TUBA4A: variants seen among roughly 807,000 people sequenced by gnomAD.
TUBA4A encodes tubulin alpha 4a.
Under a neutral mutation model 34.3 loss-of-function variants are expected in TUBA4A, and 23 were observed. That is an observed-to-expected ratio of 0.67 (90% CI 0.48 to 0.95). The LOEUF is 0.95. TUBA4A is among the 40% of genes least tolerant of loss of function. The pLI is 0.00. For missense variants in TUBA4A, 279 were observed against 599.0 expected (o/e 0.47, Z 5.58); for synonymous variants, 216 against 230.5 (o/e 0.94, Z 0.57).
At position 219,251,611 on chromosome 2, in the gene TUBA4A, A is replaced by G. The variant is rs201172087; in HGVS notation, c.329T>C (p.Ile110Thr). 6.2e-7 allele frequency: 1 copy of G among 1,614,126 alleles called. No individual in the cohort carries two copies. Among genetic ancestry groups the G allele is most frequent in the Non-Finnish European group, 8.5e-7 (1 of 1,179,998 alleles). ...ANNYARGHYTIGKEIIDPVLD... is the reference protein window; with the variant it reads ...ANNYARGHYTTGKEIIDPVLD... Reference sequence around the variant, plus strand: ...CACTGGGTCAATGATCTCCTTGCCAATGGTATAGTGACCACGGGCATAGTT... The same window carrying G: ...CACTGGGTCAATGATCTCCTTGCCAGTGGTATAGTGACCACGGGCATAGTT... Residue 110 changes from isoleucine to threonine, a missense_variant, in exon 3 of 4, where the codon ATT becomes ACT. Physicochemically the swap from Ile to Thr is moderately conservative, Grantham distance 89. This residue lies in a region of TUBA4A where 98 missense variants were observed against 171.1 expected (regional missense o/e 0.57). Coordinates refer to ENST00000248437, the MANE Select transcript of TUBA4A (RefSeq NM_006000.3). The surrounding 1 kb of genome is among the most constrained non-coding windows in gnomAD (Gnocchi z 6.1).
Position 219,250,838 on chromosome 2 carries a change from C to G in TUBA4A, c.861G>C (p.Ser287=). ...SAEKAYHEQL[S]VAEITNACFE... is the part of the protein sequence containing the mutation. ...AGCAGGCATTGGTGATCTCTGCCAC[C>G]GACAGCTGCTCGTGGTATGCCTTTT... The change falls in exon 4 of 4, where the codon TCG becomes TCC. Residue 287 remains serine (S), a synonymous_variant. Coordinates refer to ENST00000248437, the MANE Select transcript of TUBA4A (RefSeq NM_006000.3). The surrounding 1 kb of genome is among the most constrained non-coding windows in gnomAD (Gnocchi z 8.4). 6.2e-7 allele frequency: 1 copy of G among 1,614,134 alleles called. No homozygotes were observed.
At position 219,252,598 on chromosome 2, in the gene TUBA4A, A is replaced by G. The variant is rs530284179; in HGVS notation, c.4-368T>C. ...AGTATGAACAGCTAGAATTCATAGAACCCTTTCCCTCTTTCTTTCCTGTAA... is the reference window on the plus strand; with the variant it reads ...AGTATGAACAGCTAGAATTCATAGAGCCCTTTCCCTCTTTCTTTCCTGTAA... On this transcript the variant is annotated intron_variant, in intron 1 of 3. Coordinates refer to ENST00000248437, the MANE Select transcript of TUBA4A (RefSeq NM_006000.3). This position sits in a 1 kb window ranked among gnomAD's most constrained non-coding sequence, Gnocchi z 4.1. Among the ~76,000 whole-genome samples, 1 of 150,480 alleles carries G rather than the reference A, an allele frequency of 6.6e-6. No individual in the cohort carries two copies. Among genetic ancestry groups the G allele is most frequent in the South Asian group, 2.1e-4 (1 of 4,688 alleles).
chr2:219,253,756 G>A, intron 1 of TUBA4A, 100 bp downstream of exon 1: 1 of 1,422,524 alleles, frequency 7.0e-7, no homozygotes, highest in Non-Finnish European at 9.6e-7. Context: ...TGGAGACCCG[G>A]AACGCCCGGT....
In TUBA4A at chr2:219,250,481, G is replaced by A; in HGVS notation, c.1218C>T (p.His406=). 6.2e-7 allele frequency: 1 copy of A among 1,614,148 alleles called. No homozygotes were observed. The highest frequency in any genetic ancestry group is 1.1e-5 in the South Asian group (1 of 91,088). The change falls in exon 4 of 4, where the codon CAC becomes CAT. Residue 406 remains histidine, a synonymous_variant. Transcript: ENST00000248437. This position sits in a 1 kb window ranked among gnomAD's most constrained non-coding sequence, Gnocchi z 8.4. ...DLMYAKRAFV[H]WYVGEGMEEG... Reference sequence around the variant, plus strand: ...CCTCCATGCCCTCACCCACATACCAGTGCACAAACGCCCTCTTGGCATACA... The same window carrying A: ...CCTCCATGCCCTCACCCACATACCAATGCACAAACGCCCTCTTGGCATACA...
Position 219,251,506 on chromosome 2 carries a change from A to G in TUBA4A, c.375+59T>C, listed in dbSNP as rs1951646630. ...ACCTCCTGAAAGGATCTGAAAAAAA[A>G]TATTCCTGACCATTAGCACAGTCTC... On this transcript the variant is annotated intron_variant, in intron 3 of 3. Transcript: ENST00000248437. This position sits in a 1 kb window ranked among gnomAD's most constrained non-coding sequence, Gnocchi z 6.1. The G allele has an allele frequency of 6.3e-7, 1 of 1,576,942 alleles. No homozygotes were observed. The highest frequency in any genetic ancestry group is 1.4e-5 in the African/African-American group (1 of 73,944).
Position 219,252,949 on chromosome 2 carries a change from G to T in TUBA4A, c.4-719C>A, listed in dbSNP as rs753206961. 2 of 493,606 alleles carry T rather than the reference G, an allele frequency of 4.1e-6. No individual in the cohort carries two copies. The highest frequency in any genetic ancestry group is 8.2e-6 in the Non-Finnish European group (2 of 245,104). The allele number at this position is 493,606 out of a possible 1,614,324, so 30.6% of individuals were successfully genotyped here. A position where few individuals can be genotyped will look rare whatever the true frequency, so the allele number is the denominator to read the frequency against. Reference sequence around the variant, plus strand: ...AAAGCACTAAAGTCCGGCAGGGCCCGCGCGCTCTTCCCACACCGAAATGGC... The same window carrying T: ...AAAGCACTAAAGTCCGGCAGGGCCCTCGCGCTCTTCCCACACCGAAATGGC... On this transcript the variant is annotated intron_variant, in intron 1 of 3. Transcript: ENST00000248437. This position sits in a 1 kb window ranked among gnomAD's most constrained non-coding sequence, Gnocchi z 4.1.
At chr2:219,253,810 A>C in intron 1 of TUBA4A, 46 bp downstream of exon 1, 1 of 1,529,444 alleles carries the variant, frequency 6.5e-7, no homozygotes, top group Non-Finnish European at 8.8e-7. Context: ...CCCAAAGGAG[A>C]GGGGCAATTA....
chr2:219,250,297 T>C lies in TUBA4A; in HGVS notation c.*55A>G. On this transcript the variant is annotated 3_prime_UTR_variant, in exon 4 of 4. Coordinates refer to ENST00000248437, the MANE Select transcript of TUBA4A (RefSeq NM_006000.3). This position sits in a 1 kb window ranked among gnomAD's most constrained non-coding sequence, Gnocchi z 8.4. ...AACAAGAAACCGTGCAAGGAAACTG[T>C]TTATTTCGAAAGGATTTTGCAATAA... is the stretch of plus-strand genomic sequence containing the variant. The C allele has an allele frequency of 6.5e-7, 1 of 1,549,410 alleles. No individual in the cohort carries two copies. The highest frequency in any genetic ancestry group is 8.7e-7 in the Non-Finnish European group (1 of 1,147,588).
upstream of TUBA4A, chr2:219,254,267 G>C (rs1370893000): frequency 5.8e-6 from 1 of 173,306 alleles, no homozygotes; most frequent in East Asian, 1.5e-4. Flanking sequence ...TTCTGACTTA[G>C]GTCGGGAGCA....
rs2125069868 is a variant in TUBA4A at position 219,251,509 on chromosome 2, T to C, written c.375+56A>G. ...TCCTGAAAGGATCTGAAAAAAAATA[T>C]TCCTGACCATTAGCACAGTCTCAAA... On this transcript the variant is annotated intron_variant, in intron 3 of 3. Transcript: ENST00000248437. This position sits in a 1 kb window ranked among gnomAD's most constrained non-coding sequence, Gnocchi z 6.1. 6.3e-7 allele frequency: 1 copy of C among 1,580,610 alleles called. No individual in the cohort carries two copies. Among genetic ancestry groups the C allele is most frequent in the Non-Finnish European group, 8.6e-7 (1 of 1,159,692 alleles).
chr2:219,253,612 G>C (rs45547434), intron 1 of TUBA4A, among the ~76,000 whole-genome samples: 13 of 152,316 alleles, frequency 8.5e-5, no homozygotes, highest in Middle Eastern at 3.4e-3. Context: ...GTGCCAGGAA[G>C]GGTTCCTCTC....
chr2:219,253,794 G>A, intron 1 of TUBA4A, 62 bp downstream of exon 1: 3 of 1,530,282 alleles, frequency 2.0e-6, no homozygotes, highest in Non-Finnish European at 2.6e-6. Context: ...CCTGGAAGAA[G>A]TGTCCCCCAA....
In TUBA4A at chr2:219,250,383, G is replaced by C; in HGVS notation, c.1316C>G (p.Ser439Cys). The C allele has an allele frequency of 6.2e-7, 1 of 1,613,904 alleles. No homozygotes were observed. Among genetic ancestry groups the C allele is most frequent in the East Asian group, 2.2e-5 (1 of 44,868 alleles). ...TTCTCCCTCATCCTCGTCCTCATAGGAGTCGATGCCCACCTCCTCATAATC... is the reference window on the plus strand; with the variant it reads ...TTCTCCCTCATCCTCGTCCTCATAGCAGTCGATGCCCACCTCCTCATAATC... ...EKDYEEVGID[S>C]YEDEDEGEE Residue 439 changes from serine (S) to cysteine (C), a missense_variant, in exon 4 of 4, where the codon TCC becomes TGC. This residue lies in a region of TUBA4A where 73 missense variants were observed against 128.0 expected (regional missense o/e 0.57). Transcript: ENST00000248437. This position sits in a 1 kb window ranked among gnomAD's most constrained non-coding sequence, Gnocchi z 8.4.
chr2:219,253,453 C>G, intron 1 of TUBA4A: 1 of 1,465,214 alleles, frequency 6.8e-7, no homozygotes, highest in South Asian at 1.2e-5. Context: ...TAGCGCCAAG[C>G]ACGTGCTCGG....
intron 1 of TUBA4A, chr2:219,253,006 A>C: frequency 3.3e-6 from 2 of 601,456 alleles, no homozygotes; most frequent in East Asian, 5.5e-5. Flanking sequence ...CCAGAAAGGA[A>C]GTGGAACCTG....
Position 219,251,348 on chromosome 2 carries a change from C to G in TUBA4A, c.376-25G>C. 6.3e-7 allele frequency: 1 copy of G among 1,577,482 alleles called. No individual in the cohort carries two copies. The highest frequency in any genetic ancestry group is 1.4e-5 in the African/African-American group (1 of 73,988). On this transcript the variant is annotated intron_variant, in intron 3 of 3. Transcript: ENST00000248437. The surrounding 1 kb of genome is among the most constrained non-coding windows in gnomAD (Gnocchi z 6.1). ...ACTGAAAGGCAAGAACGAGAAAGAACAGTTTAGGTAGGGGAGGGGCCTGAG... is the reference window on the plus strand; with the variant it reads ...ACTGAAAGGCAAGAACGAGAAAGAAGAGTTTAGGTAGGGGAGGGGCCTGAG...
chr2:219,252,719 G>C lies in TUBA4A; in HGVS notation c.4-489C>G. 2.2e-6 allele frequency: 1 copy of C among 456,468 alleles called. No individual in the cohort carries two copies. The highest frequency in any genetic ancestry group is 2.4e-5 in the Admixed American group (1 of 41,542). The allele number at this position is 456,468 out of a possible 1,614,324, so 28.3% of individuals were successfully genotyped here. ...CACCTTTAAATCCCATCTGGCTCTG[G>C]GGATCAATCCCATCTGGCTCCTCTC... On this transcript the variant is annotated intron_variant, in intron 1 of 3. Transcript: ENST00000248437. The surrounding 1 kb of genome is among the most constrained non-coding windows in gnomAD (Gnocchi z 4.1).
chr2:219,253,426 T>G, intron 1 of TUBA4A: 1 of 1,516,728 alleles, frequency 6.6e-7, no homozygotes, highest in Non-Finnish European at 8.9e-7. Context: ...CCAGGTAACC[T>G]GACCCCTTCC....
At position 219,252,392 on chromosome 2, in the gene TUBA4A, G is replaced by C. The variant is rs1159388352; in HGVS notation, c.4-162C>G. 2.6e-5 allele frequency among the ~76,000 whole-genome samples: 4 copies of C among 152,080 alleles called. No homozygotes were observed. Among genetic ancestry groups the C allele is most frequent in the African/African-American group, 9.7e-5 (4 of 41,398 alleles). ...GTGAGAAGAGAGTAGCAGCCTGCCC[G>C]GGCTCCCAGGTACAGGACTCCCCAC... On this transcript the variant is annotated intron_variant, in intron 1 of 3. Transcript: ENST00000248437. This position sits in a 1 kb window ranked among gnomAD's most constrained non-coding sequence, Gnocchi z 4.1.
Sources: allele counts gnomAD v4.1 joint callset (sites outside exome capture counted in the v4.1 genomes callset), GRCh38; gene constraint gnomAD v4.1.1; regional missense constraint gnomAD v4.1.1; non-coding constraint Gnocchi (gnomAD v3.1); transcripts MANE v1.5; gene names NCBI Gene and HGNC (gene_info 2026-07-23, HGNC 2026-07-21).